Variants in CIITA observed in about 807,000 individuals in gnomAD.
CIITA encodes class II major histocompatibility complex transactivator, also known as MHC class II transactivator.
In CIITA, 72 loss-of-function variants were observed where a neutral mutation model predicts 115.1. The observed-to-expected ratio is 0.63, with a 90% CI of 0.52 to 0.76. The LOEUF (loss-of-function observed/expected upper bound fraction) is 0.76, where lower values mean the gene tolerates loss of function less well. Ranked by LOEUF, CIITA falls within the 30% of genes least tolerant of loss-of-function variation. CIITA has a pLI of 0.00. For missense variants in CIITA, 1,617 were observed against 1,463.8 expected, an observed-to-expected ratio of 1.10 and a Z score of -1.71; for synonymous variants, 763 against 635.6, an observed-to-expected ratio of 1.20 and a Z score of -3.02.
chr16:10,892,535 A>G (rs1225392176), intron 1 of CIITA, among the ~76,000 whole-genome samples: 1 of 152,078 alleles, frequency 6.6e-6, no homozygotes, highest in Non-Finnish European at 1.5e-5. Context: ...TCTGCATGTC[A>G]TGTGTGGTGG....
chr16:10,900,160 CCTAT>C (rs2038575065), intron 5 of CIITA, among the ~76,000 whole-genome samples: 1 of 152,162 alleles, frequency 6.6e-6, no homozygotes, highest in African/African-American at 2.4e-5. Context: ...CAGTTTTGCT[CCTAT>C]CTTAGTCAAC....
rs548719759 is a variant in CIITA at position 10,941,655 on chromosome 16, G to A, written n.781G>A. On this transcript the variant is annotated non_coding_transcript_exon_variant, in exon 2 of 2. Transcript: ENST00000573379. The surrounding 1 kb of genome is among the most constrained non-coding windows in gnomAD (Gnocchi z 6.4). ...CAACCAGCTGCGGCGGCATGATCTG[G>A]GCGGCTGGTCCAGGGCATGGGTTGC... 1.9e-5 allele frequency: 29 copies of A among 1,542,384 alleles called. No individual in the cohort carries two copies. In the East Asian group the frequency reaches 2.3e-4, roughly 12 times the overall value.
At chr16:10,870,366 G>A (rs767141993) in intron 1 of CIITA, among the ~76,000 whole-genome samples, 3 of 152,132 alleles carry the variant, frequency 2.0e-5, no homozygotes, top group African/African-American at 4.8e-5. Flanking sequence ...GGAGATGGGA[G>A]CTTAGGGGTT....
At position 10,929,507 on chromosome 16, in the gene CIITA, T is replaced by G; in HGVS notation, c.*5652T>G. The G allele has an allele frequency of 1.0e-6, 1 of 985,612 alleles. No individual in the cohort carries two copies. The highest frequency in any genetic ancestry group is 4.7e-5 in the South Asian group (1 of 21,288). 61.1% of individuals were successfully genotyped at this position (985,612 alleles called of 1,614,324 possible). A position where few individuals can be genotyped will look rare whatever the true frequency, so the allele number is the denominator to read the frequency against. ...AGTCCCAATCTCTCTTCCACTCTCCTGGGTTCAAACAGGAACCTCTCTGTT... is the reference window on the plus strand; with the variant it reads ...AGTCCCAATCTCTCTTCCACTCTCCGGGGTTCAAACAGGAACCTCTCTGTT... On this transcript the variant is annotated 3_prime_UTR_variant, in exon 20 of 20. Coordinates refer to ENST00000324288, the MANE Select transcript of CIITA (RefSeq NM_000246.4). This position sits in a 1 kb window ranked among gnomAD's most constrained non-coding sequence, Gnocchi z 4.3.
At chr16:10,910,875 C>T (rs12598246) in intron 13 of CIITA, among the ~76,000 whole-genome samples, 39,428 of 152,172 alleles carry the variant, frequency 0.26, 5,319 homozygotes, top group South Asian at 0.36. Flanking sequence ...TTTTGAAATT[C>T]CCAGGAGCTT....
chr16:10,921,526 C>T (rs1052132220), intron 16 of CIITA, among the ~76,000 whole-genome samples: 9 of 152,180 alleles, frequency 5.9e-5, no homozygotes, highest in African/African-American at 2.2e-4. Flanking sequence ...AATGTTATAT[C>T]AGCATTGATT....
chr16:10,872,403 G>T (rs951035491), upstream of CIITA, among the ~76,000 whole-genome samples: 1 of 152,198 alleles, frequency 6.6e-6, no homozygotes, highest in Non-Finnish European at 1.5e-5. Flanking sequence ...GATTATAGGC[G>T]TGAGCCACTG....
Position 10,901,643 on chromosome 16 carries a change from G to A in CIITA, c.481+85G>A, listed in dbSNP as rs2038766636. The A allele has an allele frequency of 1.6e-5, 23 of 1,398,962 alleles. 1 individual carries two copies. In the South Asian group the frequency reaches 2.8e-4, roughly 17 times the overall value. 86.7% of individuals were successfully genotyped at this position (1,398,962 alleles called of 1,614,324 possible). On this transcript the variant is annotated intron_variant, in intron 6 of 19. Transcript: ENST00000324288. The surrounding 1 kb of genome is among the most constrained non-coding windows in gnomAD (Gnocchi z 6.8). ...GAGATTGAACTCCTGGCCCAAGTCT[G>A]ATGGGGATGGTGCATGGTGCAGCCC...
chr16:10,914,900 G>C (rs540467446), intron 13 of CIITA, among the ~76,000 whole-genome samples: 21 of 152,168 alleles, frequency 1.4e-4, no homozygotes, highest in Non-Finnish European at 2.8e-4. Context: ...GGCAGTGGTC[G>C]TCAGCTGGCA....
At chr16:10,886,324 G>A (rs927017699) in intron 1 of CIITA, among the ~76,000 whole-genome samples, 31 of 152,018 alleles carry the variant, frequency 2.0e-4, no homozygotes, top group Admixed American at 6.6e-5. Context: ...TTCTAATCAC[G>A]GACATTGTTC....
Position 10,922,153 on chromosome 16 carries a change from T to C in CIITA, c.3150-14T>C, listed in dbSNP as rs770539371. On this transcript the variant is annotated splice_polypyrimidine_tract_variant and intron_variant, in intron 16 of 19. Transcript: ENST00000324288. Reference sequence around the variant, plus strand: ...AGGCCTCCAATCCCTCCCCCTGGCCTCTGTTTCCGACAGCTTGTACAATAA... The same window carrying C: ...AGGCCTCCAATCCCTCCCCCTGGCCCCTGTTTCCGACAGCTTGTACAATAA... 6 of 1,613,676 alleles carry C rather than the reference T, an allele frequency of 3.7e-6. No homozygotes were observed. The highest frequency in any genetic ancestry group is 5.1e-6 in the Non-Finnish European group (6 of 1,179,658).
rs375629085 is a variant in CIITA, at chr16:10,903,910, G to A, written c.937+15G>A. 6.2e-7 allele frequency: 1 copy of A among 1,614,032 alleles called. No homozygotes were observed. Among genetic ancestry groups the A allele is most frequent in the African/African-American group, 1.3e-5 (1 of 74,910 alleles). On this transcript the variant is annotated intron_variant, in intron 9 of 19. Coordinates refer to ENST00000324288, the MANE Select transcript of CIITA (RefSeq NM_000246.4). ...AAACATGACAGGTAAGGACCCTTAG[G>A]GCCTGTGAGAGGTACTAGAAGCAGG...
chr16:10,870,468 C>T (rs2035406487), intron 1 of CIITA, among the ~76,000 whole-genome samples: 1 of 152,242 alleles, frequency 6.6e-6, no homozygotes, highest in African/African-American at 2.4e-5. Flanking sequence ...CCTGGAGGAA[C>T]TCAGGTGCCT....
intron 1 of CIITA, among the ~76,000 whole-genome samples, chr16:10,880,090 G>C (rs1417099971): frequency 1.3e-5 from 2 of 152,214 alleles, no homozygotes; most frequent in African/African-American, 2.4e-5. Flanking sequence ...AGGAGCCAAA[G>C]GAACTTGACT....
At chr16:10,875,208 C>T (rs952057141), upstream of CIITA, among the ~76,000 whole-genome samples, 1 of 152,182 alleles carries the variant, frequency 6.6e-6, no homozygotes, top group African/African-American at 2.4e-5. Context: ...ATCTGCCCAC[C>T]TCAGCCTCCC....
rs1218928533 is a variant in CIITA, at chr16:10,930,088, C to T, written c.*6233C>T. ...GCAGCATCATCTCCATGGCCTGGCC[C>T]CCTGGCACGTCCCCGTTTCCCACTG... On this transcript the variant is annotated 3_prime_UTR_variant, in exon 20 of 20. Transcript: ENST00000324288. 1 of 152,384 alleles carries T rather than the reference C, an allele frequency of 6.6e-6. No individual in the cohort carries two copies. The highest frequency in any genetic ancestry group is 1.5e-5 in the Non-Finnish European group (1 of 68,186). 9.4% of individuals were successfully genotyped at this position (152,384 alleles called of 1,614,324 possible).
At chr16:10,912,683 G>A (rs1363990652) in intron 13 of CIITA, among the ~76,000 whole-genome samples, 2 of 152,190 alleles carry the variant, frequency 1.3e-5, no homozygotes, top group African/African-American at 4.8e-5. Context: ...TGCTGAAAAG[G>A]GGAAATGTCT....
At chr16:10,915,462 G>T (rs2039887127) in intron 13 of CIITA, 108 bp from the exon 14 acceptor site, 4 of 832,290 alleles carry the variant, frequency 4.8e-6, no homozygotes, top group South Asian at 4.1e-5. Context: ...GAAGAGGAGG[G>T]GCCTCAGACA....
chr16:10,910,733 A>G (rs768233420), intron 13 of CIITA, among the ~76,000 whole-genome samples: 7 of 152,208 alleles, frequency 4.6e-5, no homozygotes, highest in Non-Finnish European at 8.8e-5. Flanking sequence ...CCAACCTTCC[A>G]TAGGAGGATG....
Sources: allele counts gnomAD v4.1 joint callset (sites outside exome capture counted in the v4.1 genomes callset), GRCh38; gene constraint gnomAD v4.1.1; non-coding constraint Gnocchi (gnomAD v3.1); transcripts MANE v1.5; gene names NCBI Gene and HGNC (gene_info 2026-07-23, HGNC 2026-07-21).